Variants in SMARCA4 observed in about 807,000 individuals in gnomAD.
SMARCA4 encodes SWI/SNF related BAF chromatin remodeling complex subunit ATPase 4, also known as SWI/SNF-related matrix-associated actin-dependent regulator of chromatin subfamily A member 4.
Under a neutral mutation model 193.9 loss-of-function variants are expected in SMARCA4, and 31 were observed. The observed-to-expected ratio is 0.16, with a 90% CI of 0.12 to 0.22. The LOEUF is 0.22. Among genes scored for constraint, SMARCA4 ranks in the 10% least tolerant of loss-of-function variants. The probability of loss-of-function intolerance (pLI) is 1.00; values close to 1 mark genes in which losing one functional copy is unlikely to be tolerated. For missense variants in SMARCA4, 1,148 were observed against 2,296.0 expected, an observed-to-expected ratio of 0.50 and a Z score of 10.22; for synonymous variants, 942 against 933.1, an observed-to-expected ratio of 1.01 and a Z score of -0.17.
chr19:11,034,293 C>G lies in SMARCA4; in HGVS notation c.3951+93C>G. The stretch of plus-strand genomic sequence containing the variant: ...CGTCCTAGTGCCCATGGTGGTATCC[C>G]TAGCAGGTCAGGGAGCCAGGGACAG... On this transcript the variant is annotated intron_variant, in intron 28 of 34. Transcript: ENST00000344626. The surrounding 1 kb of genome is among the most constrained non-coding windows in gnomAD (Gnocchi z 7.0). 1 of 1,019,900 alleles carries G rather than the reference C, an allele frequency of 9.8e-7. No homozygotes were observed. The highest frequency in any genetic ancestry group is 2.4e-5 in the East Asian group (1 of 40,832). 63.2% of individuals were successfully genotyped at this position (1,019,900 alleles called of 1,614,324 possible). A position where few individuals can be genotyped will look rare whatever the true frequency, so the allele number is the denominator to read the frequency against.
At chr19:11,049,483 G>T (rs1470174466) in intron 30 of SMARCA4, among the ~76,000 whole-genome samples, 2 of 140,010 alleles carry the variant, frequency 1.4e-5, no homozygotes, top group African/African-American at 5.0e-5. Context: ...CCTGGGTTCT[G>T]TGTTTTTTTT....
rs748541977 is a variant in SMARCA4, at chr19:11,033,721, G to C, written c.3775-46G>C. ...TTTTTCTAAACTGCTGGTGAAAGAC[G>C]CCGGATTGACAGCCCTGGAGACTGA... On this transcript the variant is annotated intron_variant, in intron 26 of 34. Transcript: ENST00000344626. This position sits in a 1 kb window ranked among gnomAD's most constrained non-coding sequence, Gnocchi z 9.8. 3 of 780,506 alleles carry C rather than the reference G, an allele frequency of 3.8e-6. No individual in the cohort carries two copies. The Admixed American group carries it at 5.1e-5, about 13-fold the overall frequency. The allele number at this position is 780,506 out of a possible 1,614,324, so 48.3% of individuals were successfully genotyped here.
chr19:10,991,354 C>T, intron 8 of SMARCA4, 31 bp downstream of exon 8: 2 of 1,563,970 alleles, frequency 1.3e-6, no homozygotes, highest in Non-Finnish European at 1.7e-6. Flanking sequence ...GGCCCTGCAG[C>T]CCGCCCACCT....
chr19:11,039,304 A>C (rs2146772239), intron 29 of SMARCA4, among the ~76,000 whole-genome samples: 1 of 152,320 alleles, frequency 6.6e-6, no homozygotes, highest in Admixed American at 6.5e-5. Flanking sequence ...TAGTGAGCCA[A>C]GATCGCACCA....
At chr19:10,977,134 G>A (rs1285236522) in intron 1 of SMARCA4, among the ~76,000 whole-genome samples, 1 of 152,164 alleles carries the variant, frequency 6.6e-6, no homozygotes, top group Non-Finnish European at 1.5e-5. Context: ...TTGCCAGGGT[G>A]GGCGTGTCAT....
At chr19:11,044,629 C>T (rs984362279) in intron 30 of SMARCA4, among the ~76,000 whole-genome samples, 1 of 152,232 alleles carries the variant, frequency 6.6e-6, no homozygotes, top group Non-Finnish European at 1.5e-5. Flanking sequence ...GAATGCCCAT[C>T]AGTGCTGGCA....
Position 11,041,586 on chromosome 19 carries a change from G to A in SMARCA4, c.4424+26G>A, listed in dbSNP as rs971361479. ...GTAAGCGAGGAGGCGGGGAGGGCGG[G>A]GGCTGTAGGGGTCCCCGTGGGAGCA... On this transcript the variant is annotated intron_variant, in intron 30 of 34. Coordinates refer to ENST00000344626, the MANE Select transcript of SMARCA4 (RefSeq NM_003072.5). The surrounding 1 kb of genome is among the most constrained non-coding windows in gnomAD (Gnocchi z 5.6). 1.2e-6 allele frequency: 2 copies of A among 1,606,272 alleles called. No individual in the cohort carries two copies. The highest frequency in any genetic ancestry group is 1.7e-5 in the Admixed American group (1 of 59,934).
At position 10,992,365 on chromosome 19, in the gene SMARCA4, T is replaced by C. The variant is rs112896403; in HGVS notation, c.1419+1042T>C. ...TTCCTGACCTCAAGTGATCTGTCCGTCTTGGCCTCTCAAAGTGCTAAGATG... is the reference window on the plus strand; with the variant it reads ...TTCCTGACCTCAAGTGATCTGTCCGCCTTGGCCTCTCAAAGTGCTAAGATG... On this transcript the variant is annotated intron_variant, in intron 8 of 34. Coordinates refer to ENST00000344626, the MANE Select transcript of SMARCA4 (RefSeq NM_003072.5). 5.3e-3 allele frequency among the ~76,000 whole-genome samples: 797 copies of C among 151,746 alleles called. 12 individuals carry two copies. Among genetic ancestry groups the C allele is most frequent in the African/African-American group, 0.016 (681 of 41,346 alleles).
Position 10,995,009 on chromosome 19 carries a change from C to A in SMARCA4, c.1593+8C>A. 1 of 1,606,936 alleles carries A rather than the reference C, an allele frequency of 6.2e-7. No homozygotes were observed. Among genetic ancestry groups the A allele is most frequent in the Admixed American group, 1.7e-5 (1 of 58,920 alleles). On this transcript the variant is annotated splice_region_variant and intron_variant, in intron 9 of 34. Transcript: ENST00000344626. ...CGCATGCGGAGGCTCATGGTATGGT[C>A]CTGCCTTCTTGACGTGCGCTCTTCT...
At chr19:11,028,056 G>T in intron 24 of SMARCA4, 106 bp downstream of exon 24, 1 of 1,268,386 alleles carries the variant, frequency 7.9e-7, no homozygotes, top group Non-Finnish European at 1.1e-6. Flanking sequence ...AGGCCCAGGC[G>T]CTCTGGGTCC....
intron 33 of SMARCA4, 36 bp downstream of exon 33, chr19:11,059,921 C>A (rs556945056): frequency 7.4e-6 from 12 of 1,613,544 alleles, no homozygotes; most frequent in Non-Finnish European, 1.0e-5. Flanking sequence ...CCGGGGTTCA[C>A]GCTGGCCCGA....
chr19:10,995,037 A>G (rs778529930), intron 9 of SMARCA4, 36 bp downstream of exon 9: 5 of 1,572,002 alleles, frequency 3.2e-6, no homozygotes, highest in Non-Finnish European at 4.3e-6. Context: ...GCTCTTCTAC[A>G]TGTGTAGCTG....
At chr19:11,004,209 G>A (rs1366594265) in intron 13 of SMARCA4, among the ~76,000 whole-genome samples, 1 of 151,416 alleles carries the variant, frequency 6.6e-6, no homozygotes. Context: ...TAGAGACAGG[G>A]TTACACCATG....
intron 15 of SMARCA4, 123 bp from the exon 16 acceptor site, chr19:11,012,826 A>G: frequency 1.2e-6 from 1 of 830,686 alleles, no homozygotes; most frequent in Non-Finnish European, 2.1e-6. Flanking sequence ...TAAAGGCAGT[A>G]GAGGGTGGGA....
intron 14 of SMARCA4, among the ~76,000 whole-genome samples, chr19:11,009,488 C>G (rs1253925494): frequency 6.6e-6 from 1 of 152,080 alleles, no homozygotes; most frequent in Non-Finnish European, 1.5e-5. Flanking sequence ...TGGCTAGGTG[C>G]AGAGTGTCTT....
chr19:10,970,710 G>A (rs1187345121), intron 1 of SMARCA4, among the ~76,000 whole-genome samples: 1 of 152,218 alleles, frequency 6.6e-6, no homozygotes, highest in Admixed American at 6.6e-5. Flanking sequence ...GGCCGATAAA[G>A]TCCTTAACTT....
intron 29 of SMARCA4, among the ~76,000 whole-genome samples, chr19:11,038,928 T>C (rs948896724): frequency 2.4e-4 from 36 of 151,952 alleles, no homozygotes; most frequent in Non-Finnish European, 1.3e-4. Context: ...GCAACAACAA[T>C]AAAAAAAGGT....
chr19:11,019,862 C>A lies in SMARCA4; in HGVS notation c.2616+161C>A, dbSNP rs1243242977. ...TGTAGGGGAAAGGCCTAGGTGGGGG[C>A]GACCTCAGGTTTACCTCCCTAACTG... On this transcript the variant is annotated intron_variant, in intron 18 of 34. Coordinates refer to ENST00000344626, the MANE Select transcript of SMARCA4 (RefSeq NM_003072.5). The surrounding 1 kb of genome is among the most constrained non-coding windows in gnomAD (Gnocchi z 6.1). Among the ~76,000 whole-genome samples, 1 of 152,182 alleles carries A rather than the reference C, an allele frequency of 6.6e-6. No individual in the cohort carries two copies. The highest frequency in any genetic ancestry group is 2.4e-5 in the African/African-American group (1 of 41,450).
Position 11,033,358 on chromosome 19 carries a change from C to T in SMARCA4, c.3615C>T (p.Cys1205=), listed in dbSNP as rs2146650045. The change falls in exon 26 of 35, where the codon TGC becomes TGT. Residue 1205 remains cysteine (C), a synonymous_variant. Transcript: ENST00000344626. The surrounding 1 kb of genome is among the most constrained non-coding windows in gnomAD (Gnocchi z 9.8). ...QQNEVRVLRL[C]TVNSVEEKIL... ...ACGAGGTGCGTGTGCTCCGCCTCTG[C>T]ACCGTCAACAGCGTGGAGGAGAAGA... 2 of 1,613,298 alleles carry T rather than the reference C, an allele frequency of 1.2e-6. No individual in the cohort carries two copies. The highest frequency in any genetic ancestry group is 1.7e-6 in the Non-Finnish European group (2 of 1,180,004).
Sources: gnomAD v4.1 joint callset for allele counts (sites outside exome capture counted in the v4.1 genomes callset) on GRCh38, gnomAD v4.1.1 for gene constraint, Gnocchi (gnomAD v3.1) non-coding constraint, MANE v1.5 for transcripts, NCBI Gene and HGNC (gene_info 2026-07-23, HGNC 2026-07-21) for gene names.